Variants in UNC5D observed in about 807,000 individuals in gnomAD.
UNC5D encodes netrin receptor UNC5D.
A neutral mutation model predicts 105.4 loss-of-function variants in UNC5D; 39 were observed. That is an observed-to-expected ratio of 0.37 (90% CI 0.29 to 0.48). The LOEUF (loss-of-function observed/expected upper bound fraction) is 0.48. Ranked by LOEUF, UNC5D falls within the 20% of genes least tolerant of loss-of-function variation. The pLI, the probability that UNC5D is intolerant of heterozygous loss-of-function variation, is 0.98. For synonymous variants in UNC5D, 452 were observed against 450.4 expected (o/e 1.00, Z -0.04); for missense variants, 991 against 1,202.4 (o/e 0.82, Z 2.60).
At chr8:35,709,939 A>AAACT (rs1827835233) in intron 8 of UNC5D, among the ~76,000 whole-genome samples, 1 of 152,110 alleles carries the variant, frequency 6.6e-6, no homozygotes, top group Non-Finnish European at 1.5e-5. Context: ...TGAGGGAAGA[A>AAACT]AACTTTGTTT....
At chr8:35,323,278 G>A (rs1284928299) in intron 1 of UNC5D, among the ~76,000 whole-genome samples, 1 of 148,484 alleles carries the variant, frequency 6.7e-6, no homozygotes, top group Admixed American at 6.8e-5. Flanking sequence ...AAAGTAATCA[G>A]GATTAAGCTT....
At chr8:35,681,266 T>C (rs561951297) in intron 4 of UNC5D, among the ~76,000 whole-genome samples, 4 of 152,242 alleles carry the variant, frequency 2.6e-5, no homozygotes, top group African/African-American at 9.6e-5. Context: ...GAGAGGAATT[T>C]ATTTATTATA....
intron 1 of UNC5D, among the ~76,000 whole-genome samples, chr8:35,517,701 G>T (rs1813191974): frequency 6.6e-6 from 1 of 152,150 alleles, no homozygotes; most frequent in Admixed American, 6.5e-5. Flanking sequence ...ATTCAGCAGG[G>T]TTATACTGGT....
At chr8:35,639,887 AT>A (rs201887387) in intron 4 of UNC5D, among the ~76,000 whole-genome samples, 9 of 147,632 alleles carry the variant, frequency 6.1e-5, no homozygotes, top group East Asian at 4.0e-4. Flanking sequence ...ATGCCTGGCT[AT>A]TTTTTTTTTA....
chr8:35,563,938 G>T (rs1377422102), intron 2 of UNC5D, among the ~76,000 whole-genome samples: 1 of 151,932 alleles, frequency 6.6e-6, no homozygotes, highest in African/African-American at 2.4e-5. Flanking sequence ...ATGTTGAAGT[G>T]TCCTCACCTC....
chr8:35,368,377 A>G (rs1315958755), intron 1 of UNC5D, among the ~76,000 whole-genome samples: 2 of 152,060 alleles, frequency 1.3e-5, no homozygotes, highest in Non-Finnish European at 2.9e-5. Context: ...ACACACAGAT[A>G]CTTTTAAATT....
intron 1 of UNC5D, among the ~76,000 whole-genome samples, chr8:35,379,242 C>A (rs1190521109): frequency 6.6e-6 from 1 of 152,156 alleles, no homozygotes; most frequent in Non-Finnish European, 1.5e-5. Flanking sequence ...CCAGTGAGGA[C>A]CCCTGACTTT....
At chr8:35,585,272 C>A (rs758600718) in intron 3 of UNC5D, among the ~76,000 whole-genome samples, 2 of 152,140 alleles carry the variant, frequency 1.3e-5, no homozygotes, top group Non-Finnish European at 2.9e-5. Context: ...CTAGAAACAG[C>A]CTTGAGGAGC....
chr8:35,437,091 A>G (rs1585840824), intron 1 of UNC5D, among the ~76,000 whole-genome samples: 1 of 151,868 alleles, frequency 6.6e-6, no homozygotes, highest in African/African-American at 2.4e-5. Flanking sequence ...TTCCTGCCTC[A>G]GCTTCATGAG....
At chr8:35,366,379 C>T (rs1232754903) in intron 1 of UNC5D, among the ~76,000 whole-genome samples, 1 of 152,054 alleles carries the variant, frequency 6.6e-6, no homozygotes, top group Non-Finnish European at 1.5e-5. Flanking sequence ...CCCTCCACTC[C>T]AAACATAAGC....
At chr8:35,628,707 G>A (rs1298798758) in intron 4 of UNC5D, among the ~76,000 whole-genome samples, 1 of 152,128 alleles carries the variant, frequency 6.6e-6, no homozygotes, top group African/African-American at 2.4e-5. Flanking sequence ...CAGAAAGAAG[G>A]CAGGTTTCTG....
intron 7 of UNC5D, among the ~76,000 whole-genome samples, chr8:35,688,024 C>T (rs1025798447): frequency 1.3e-5 from 2 of 151,746 alleles, no homozygotes; most frequent in Admixed American, 6.6e-5. Context: ...CCCAGCTACT[C>T]GGGAGGTTGA....
At chr8:35,550,063 A>G (rs1816009735) in intron 2 of UNC5D, among the ~76,000 whole-genome samples, 1 of 150,302 alleles carries the variant, frequency 6.7e-6, no homozygotes, top group African/African-American at 2.5e-5. Context: ...TTACATTATT[A>G]GTAAATTATT....
intron 14 of UNC5D, among the ~76,000 whole-genome samples, chr8:35,762,796 AAAC>A (rs1231744018): frequency 6.6e-6 from 1 of 152,188 alleles, no homozygotes; most frequent in African/African-American, 2.4e-5. Flanking sequence ...AAAGCCAACA[AAAC>A]ACAAAGTCAA....
intron 3 of UNC5D, among the ~76,000 whole-genome samples, chr8:35,572,791 C>A (rs1303151573): frequency 2.0e-5 from 3 of 150,578 alleles, no homozygotes; most frequent in Non-Finnish European, 3.0e-5. Context: ...ATGAGGCCTG[C>A]AATTTTATAT....
At chr8:35,534,078 A>G (rs893182841) in intron 1 of UNC5D, among the ~76,000 whole-genome samples, 6 of 152,144 alleles carry the variant, frequency 3.9e-5, no homozygotes, top group Non-Finnish European at 5.9e-5. Flanking sequence ...TCCCGCCACA[A>G]CTGGTTGTTT....
At chr8:35,246,987 T>A (rs1191905170) in intron 1 of UNC5D, among the ~76,000 whole-genome samples, 1 of 152,076 alleles carries the variant, frequency 6.6e-6, no homozygotes. Context: ...AAGTCCAAAT[T>A]TGTACATGAG....
At chr8:35,384,362 G>A (rs550981906) in intron 1 of UNC5D, among the ~76,000 whole-genome samples, 43 of 152,270 alleles carry the variant, frequency 2.8e-4, no homozygotes, top group Middle Eastern at 3.4e-3. Flanking sequence ...CACATGGTAC[G>A]TACTATAAAT....
At chr8:35,656,343 C>T (rs906668600) in intron 4 of UNC5D, among the ~76,000 whole-genome samples, 5 of 152,202 alleles carry the variant, frequency 3.3e-5, no homozygotes, top group Non-Finnish European at 7.3e-5. Context: ...AACCTTTTTC[C>T]ATCCCAGTAT....
Sources: gnomAD v4.1 joint callset for allele counts (sites outside exome capture counted in the v4.1 genomes callset) on GRCh38, gnomAD v4.1.1 for gene constraint, MANE v1.5 for transcripts, NCBI Gene and HGNC (gene_info 2026-07-23, HGNC 2026-07-21) for gene names.